Variants in TMEM132E observed in about 807,000 individuals in gnomAD.
The protein encoded by TMEM132E is transmembrane protein 132E.
TMEM132E carries 49 observed loss-of-function variants against 78.5 expected under a neutral mutation model. The observed-to-expected ratio is 0.62, with a 90% CI of 0.50 to 0.79. The LOEUF is 0.79. Ranked by LOEUF, TMEM132E falls within the 30% of genes least tolerant of loss-of-function variation. The pLI is 0.00. For missense variants in TMEM132E, 1,403 were observed against 1,470.9 expected (o/e 0.95, Z 0.75); for synonymous variants, 715 against 670.6 (o/e 1.07, Z -1.02).
At chr17:34,614,158 G>A (rs1906702376) in intron 1 of TMEM132E, among the ~76,000 whole-genome samples, 1 of 152,192 alleles carries the variant, frequency 6.6e-6, no homozygotes, top group South Asian at 2.1e-4. Flanking sequence ...TGGGCACCAG[G>A]CAGCCGGGTG....
At chr17:34,633,619 TG>T (rs1907421592) in intron 6 of TMEM132E, among the ~76,000 whole-genome samples, 1 of 151,938 alleles carries the variant, frequency 6.6e-6, no homozygotes, top group African/African-American at 2.4e-5. Flanking sequence ...GAGCAGGAGG[TG>T]GGCGGGGCTG....
At chr17:34,621,103 C>T (rs1906946409) in intron 1 of TMEM132E, among the ~76,000 whole-genome samples, 1 of 152,190 alleles carries the variant, frequency 6.6e-6, no homozygotes, top group South Asian at 2.1e-4. Flanking sequence ...TCTTCCTCCC[C>T]CTGTATGTTG....
chr17:34,591,822 G>A (rs1905878452), intron 1 of TMEM132E, among the ~76,000 whole-genome samples: 1 of 152,252 alleles, frequency 6.6e-6, no homozygotes, highest in Admixed American at 6.5e-5. Context: ...CCCTGCTGCA[G>A]TGTAGCTGAG....
intron 1 of TMEM132E, among the ~76,000 whole-genome samples, chr17:34,598,355 C>G (rs1175487654): frequency 6.6e-6 from 1 of 152,124 alleles, no homozygotes; most frequent in African/African-American, 2.4e-5. Flanking sequence ...GTGGGGGAGA[C>G]AGTCCCATCA....
At chr17:34,615,755 A>T (rs1906761237) in intron 1 of TMEM132E, among the ~76,000 whole-genome samples, 2 of 151,734 alleles carry the variant, frequency 1.3e-5, no homozygotes, top group African/African-American at 4.8e-5. Flanking sequence ...GTTCACATAT[A>T]GGAGAGAGGG....
At chr17:34,592,558 G>A (rs979687536) in intron 1 of TMEM132E, among the ~76,000 whole-genome samples, 1 of 152,204 alleles carries the variant, frequency 6.6e-6, no homozygotes, top group Non-Finnish European at 1.5e-5. Flanking sequence ...TGGAGCAGGA[G>A]CCTCCTCATC....
Position 34,618,138 on chromosome 17 carries a change from G to A in TMEM132E, c.68-7989G>A, listed in dbSNP as rs188506527. On this transcript the variant is annotated intron_variant, in intron 1 of 8. Coordinates refer to ENST00000631683, the MANE Select transcript of TMEM132E (RefSeq NM_001304438.2). ...TGCATATATCCATTTTTATGCATTT[G>A]CATTTATTTAATCTAACTCTGCTTT... Among the ~76,000 whole-genome samples the A allele has an allele frequency of 8.2e-4, 125 of 152,196 alleles. 1 individual carries two copies. In the Middle Eastern group the frequency reaches 0.02, roughly 25 times the overall value.
chr17:34,585,523 A>G (rs973334116), intron 1 of TMEM132E, among the ~76,000 whole-genome samples: 1 of 152,098 alleles, frequency 6.6e-6, no homozygotes, highest in African/African-American at 2.4e-5. Context: ...ACCAAATCCA[A>G]CCTCATGTGG....
rs1004350134 is a variant in TMEM132E, at chr17:34,580,737, G to C, written c.-340G>C. 1 of 263,694 alleles carries C rather than the reference G, an allele frequency of 3.8e-6. No individual in the cohort carries two copies. Among genetic ancestry groups the C allele is most frequent in the East Asian group, 6.9e-5 (1 of 14,570 alleles). The allele number at this position is 263,694 out of a possible 1,614,324, so 16.3% of individuals were successfully genotyped here. A position where few individuals can be genotyped will look rare whatever the true frequency, so the allele number is the denominator to read the frequency against. ...CGTGAGGCCGGGAGATTCAGCACTG[G>C]GCTCTAGGTAGCCCCCGGGACGCCC... On this transcript the variant is annotated 5_prime_UTR_variant, in exon 1 of 9. Coordinates refer to ENST00000631683, the MANE Select transcript of TMEM132E (RefSeq NM_001304438.2).
At chr17:34,594,014 T>C (rs897357802) in intron 1 of TMEM132E, among the ~76,000 whole-genome samples, 1 of 152,082 alleles carries the variant, frequency 6.6e-6, no homozygotes, top group African/African-American at 2.4e-5. Flanking sequence ...GCCTCTTACC[T>C]CCTACCTCTT....
rs766733228 is a variant in TMEM132E at position 34,626,896 on chromosome 17, G to GC, written c.843dup (p.Arg282GlnfsTer115). 8.1e-6 allele frequency: 13 copies of GC among 1,612,504 alleles called. No homozygotes were observed. In the Admixed American group the frequency reaches 8.3e-5, roughly 10 times the overall value. ...TCGGGAGCATCAGCCTGTTCCGCCC[G>GC]CCCCCCAGGAGGACCCTGCAGGAGC... On this transcript the variant is annotated frameshift_variant, in exon 2 of 9. Transcript: ENST00000631683. LOFTEE classifies it high-confidence loss of function.
Position 34,638,070 on chromosome 17 carries a change from G to A in TMEM132E, c.3063G>A (p.Leu1021=), listed in dbSNP as rs1457401518. Residue 1021 remains leucine, a synonymous_variant, in exon 9 of 9, where the codon CTG becomes CTA. Transcript: ENST00000631683. ...TCAAGTTCACCACCTTCACCACGCT[G>A]CCGTCAGAGGAGCTGGCCTATGACT... ...KRVKFTTFTT[L]PSEELAYDSV... is the part of the protein sequence containing the mutation. The A allele has an allele frequency of 6.3e-7, 1 of 1,582,398 alleles. No homozygotes were observed. The highest frequency in any genetic ancestry group is 8.6e-7 in the Non-Finnish European group (1 of 1,164,472).
intron 1 of TMEM132E, among the ~76,000 whole-genome samples, chr17:34,586,203 G>A (rs888825863): frequency 3.9e-5 from 6 of 152,062 alleles, no homozygotes; most frequent in African/African-American, 7.2e-5. Flanking sequence ...CTTCCTCCCC[G>A]TTTCCTCCCC....
At chr17:34,593,646 C>T (rs78352811) in intron 1 of TMEM132E, among the ~76,000 whole-genome samples, 1,790 of 152,318 alleles carry the variant, frequency 0.012, 40 homozygotes, top group African/African-American at 0.041. Context: ...TTTGTGCTGA[C>T]GATGATGACT....
chr17:34,585,933 G>A (rs1905657708), intron 1 of TMEM132E, among the ~76,000 whole-genome samples: 1 of 152,196 alleles, frequency 6.6e-6, no homozygotes, highest in South Asian at 2.1e-4. Context: ...GGATATCTGG[G>A]TTCAAACCCT....
intron 5 of TMEM132E, 46 bp from the exon 6 acceptor site, chr17:34,632,658 G>T (rs188485032): frequency 1.5e-5 from 24 of 1,608,590 alleles, no homozygotes; most frequent in Non-Finnish European, 1.8e-5. Flanking sequence ...TGCCTCACAG[G>T]AAGACCTGTA....
At chr17:34,620,096 G>A (rs1033508515) in intron 1 of TMEM132E, among the ~76,000 whole-genome samples, 2 of 152,240 alleles carry the variant, frequency 1.3e-5, no homozygotes, top group African/African-American at 4.8e-5. Flanking sequence ...CATGGCCAGG[G>A]GAGCCCCCAC....
At position 34,594,037 on chromosome 17, in the gene TMEM132E, C is replaced by T. The variant is rs531778210; in HGVS notation, c.67+12894C>T. ...CCTCCTACCTCTTTCAGGTCCCTCCCTGGTCCCCCTCTATCTAAAGCAGCC... is the reference window on the plus strand; with the variant it reads ...CCTCCTACCTCTTTCAGGTCCCTCCTTGGTCCCCCTCTATCTAAAGCAGCC... On this transcript the variant is annotated intron_variant, in intron 1 of 8. Coordinates refer to ENST00000631683, the MANE Select transcript of TMEM132E (RefSeq NM_001304438.2). 1.4e-4 allele frequency among the ~76,000 whole-genome samples: 21 copies of T among 152,330 alleles called. No homozygotes were observed. In the South Asian group the frequency reaches 4.4e-3, roughly 32 times the overall value.
At chr17:34,582,581 C>T (rs1284087734) in intron 1 of TMEM132E, among the ~76,000 whole-genome samples, 1 of 151,166 alleles carries the variant, frequency 6.6e-6, no homozygotes, top group East Asian at 2.0e-4. Context: ...GAGGAATAGG[C>T]AGAGCAGCGA....
Sources: allele counts gnomAD v4.1 joint callset (sites outside exome capture counted in the v4.1 genomes callset), GRCh38; gene constraint gnomAD v4.1.1; transcripts MANE v1.5; gene names NCBI Gene and HGNC (gene_info 2026-07-23, HGNC 2026-07-21).